The following MCTP2 variants were observed in gnomAD, a reference collection of about 807,000 sequenced individuals.
MCTP2 encodes the protein multiple C2 and transmembrane domain-containing protein 2.
In MCTP2, 132 loss-of-function variants were observed where a neutral mutation model predicts 111.6. The ratio of observed to expected loss-of-function variants is 1.18; its 90% CI spans 1.03 to 1.37. The LOEUF is 1.37. Ranked by LOEUF, MCTP2 falls within the 40% of genes most tolerant of loss-of-function variation. The pLI, the probability that MCTP2 is intolerant of heterozygous loss-of-function variation, is 0.00. For missense variants in MCTP2, 1,183 were observed against 1,067.9 expected, an observed-to-expected ratio of 1.11 and a Z score of -1.50; for synonymous variants, 395 against 387.7, an observed-to-expected ratio of 1.02 and a Z score of -0.22.
intron 17 of MCTP2, among the ~76,000 whole-genome samples, chr15:94,408,513 CT>C (rs1407675544): frequency 1.3e-5 from 2 of 152,050 alleles, no homozygotes; most frequent in African/African-American, 4.8e-5. Context: ...TTTTTCAGCA[CT>C]TTTTTAAAAT....
At chr15:94,391,581 G>T (rs189295102) in intron 14 of MCTP2, among the ~76,000 whole-genome samples, 1 of 152,252 alleles carries the variant, frequency 6.6e-6, no homozygotes, top group Admixed American at 6.5e-5. Flanking sequence ...CAAAACTTGA[G>T]TCCCAAGTGG....
chr15:94,256,557 G>A (rs931429048), intron 1 of MCTP2, among the ~76,000 whole-genome samples: 9 of 152,162 alleles, frequency 5.9e-5, no homozygotes, highest in African/African-American at 2.2e-4. Context: ...TTTGCATGAT[G>A]TTGTTTAAAT....
chr15:94,325,450 G>A (rs931240229), intron 4 of MCTP2, among the ~76,000 whole-genome samples: 1 of 152,062 alleles, frequency 6.6e-6, no homozygotes. Flanking sequence ...TTTTTATCGT[G>A]GGCTTATCTT....
At chr15:94,408,832 TAG>T (rs1226671301) in intron 17 of MCTP2, among the ~76,000 whole-genome samples, 2 of 152,226 alleles carry the variant, frequency 1.3e-5, no homozygotes, top group Non-Finnish European at 2.9e-5. Flanking sequence ...ATTGTAATCA[TAG>T]CACAGCCATA....
chr15:94,258,412 A>G (rs1474749496), intron 1 of MCTP2, among the ~76,000 whole-genome samples: 1 of 152,160 alleles, frequency 6.6e-6, no homozygotes, highest in South Asian at 2.1e-4. Context: ...CTGGGTCCAC[A>G]AAAAAGCATC....
At chr15:94,352,296 T>C (rs988871329) in intron 8 of MCTP2, among the ~76,000 whole-genome samples, 6 of 152,194 alleles carry the variant, frequency 3.9e-5, no homozygotes, top group African/African-American at 1.4e-4. Flanking sequence ...CAAAGCTCTT[T>C]TACAGAAGTT....
intron 17 of MCTP2, chr15:94,402,317 G>T (rs968865084): frequency 2.4e-5 from 24 of 984,906 alleles, no homozygotes; most frequent in Non-Finnish European, 2.9e-5. Flanking sequence ...GCCAGTGACC[G>T]CCCATAATTT....
intron 1 of MCTP2, among the ~76,000 whole-genome samples, chr15:94,233,223 T>C (rs1450705183): frequency 6.6e-6 from 1 of 152,148 alleles, no homozygotes; most frequent in Admixed American, 6.5e-5. Flanking sequence ...GGTCAAGCTG[T>C]GACCTATCTG....
At chr15:94,243,784 T>C (rs1447511732) in intron 1 of MCTP2, among the ~76,000 whole-genome samples, 5 of 148,136 alleles carry the variant, frequency 3.4e-5, no homozygotes, top group Non-Finnish European at 6.0e-5. Context: ...TGAACATATA[T>C]ATGTATATAC....
rs79388872 is a variant in MCTP2 at position 94,397,129 on chromosome 15, A to T, written c.1789-1832A>T. 4.7e-4 allele frequency among the ~76,000 whole-genome samples: 71 copies of T among 152,246 alleles called. No individual in the cohort carries two copies. The East Asian group carries it at 8.7e-3, about 19-fold the overall frequency. On this transcript the variant is annotated intron_variant, in intron 14 of 22. Transcript: ENST00000357742. Reference sequence around the variant, plus strand: ...AACTTTTTACAGTTTTTAAACTTATATTCTATTTTTTAAGATAGTTAAGTC... The same window carrying T: ...AACTTTTTACAGTTTTTAAACTTATTTTCTATTTTTTAAGATAGTTAAGTC...
At position 94,385,440 on chromosome 15, in the gene MCTP2, A is replaced by G. The variant is rs572628983; in HGVS notation, c.1703A>G (p.His568Arg). 5 of 1,612,450 alleles carry G rather than the reference A, an allele frequency of 3.1e-6. No homozygotes were observed. Among genetic ancestry groups the G allele is most frequent in the South Asian group, 1.1e-5 (1 of 91,046 alleles). The change falls in exon 14 of 23, where the codon CAT (histidine) becomes CGT (arginine). Residue 568 changes from histidine (H) to arginine (R), a missense_variant. His to Arg is a conservative substitution (Grantham distance 29). Transcript: ENST00000357742. ...TGTTACAGTCCCATTAAAGATATCC[A>G]TGATGTTTTGGAAGTGACAGTGTTT... ...KVFTFPIKDI[H>R]DVLEVTVFDE...
intron 21 of MCTP2, chr15:94,476,308 T>C (rs1397034059): frequency 6.3e-6 from 1 of 159,882 alleles, no homozygotes; most frequent in African/African-American, 2.4e-5. Flanking sequence ...CGGCTGTTAA[T>C]CAGCGTATTC....
chr15:94,300,526 A>C (rs1021984955), intron 2 of MCTP2, among the ~76,000 whole-genome samples: 1 of 142,624 alleles, frequency 7.0e-6, no homozygotes, highest in African/African-American at 2.6e-5. Flanking sequence ...AAAAAAAAAG[A>C]ACTTTTATTG....
chr15:94,277,166 A>G (rs2074259305), intron 1 of MCTP2, among the ~76,000 whole-genome samples: 1 of 152,194 alleles, frequency 6.6e-6, no homozygotes, highest in Non-Finnish European at 1.5e-5. Flanking sequence ...AGGAAATTAT[A>G]ATACAATACT....
intron 18 of MCTP2, among the ~76,000 whole-genome samples, chr15:94,441,808 A>G (rs75236157): frequency 0.011 from 1,636 of 152,282 alleles, 18 homozygotes; most frequent in Non-Finnish European, 0.019. Context: ...TTTTCCTCCC[A>G]TAGCCTGTTT....
At chr15:94,301,833 CTTTTT>C (rs59217006) in intron 2 of MCTP2, among the ~76,000 whole-genome samples, 213 of 129,192 alleles carry the variant, frequency 1.6e-3, no homozygotes, top group African/African-American at 5.7e-3. Context: ...ATCATTTCTG[CTTTTT>C]TTTTTTTTTT....
In MCTP2 at chr15:94,260,210, G is replaced by A. The variant is rs953322090; in HGVS notation, c.-66+28546G>A. 2.6e-5 allele frequency among the ~76,000 whole-genome samples: 4 copies of A among 152,094 alleles called. No homozygotes were observed. In the East Asian group the frequency reaches 5.8e-4, roughly 22 times the overall value. On this transcript the variant is annotated intron_variant, in intron 1 of 22. Coordinates refer to ENST00000357742, the MANE Select transcript of MCTP2 (RefSeq NM_001385001.1). ...CTCCTGTTCCTCAGGGGCAATAAGG[G>A]TATGCGAAAATTCCTCCCCGACTCA...
intron 20 of MCTP2, among the ~76,000 whole-genome samples, chr15:94,460,359 A>G (rs2085109143): frequency 6.6e-6 from 1 of 152,184 alleles, no homozygotes; most frequent in South Asian, 2.1e-4. Flanking sequence ...ACTATGTGGG[A>G]GATACAGGGA....
chr15:94,307,990 G>A (rs1008450026), intron 2 of MCTP2, among the ~76,000 whole-genome samples: 1 of 152,040 alleles, frequency 6.6e-6, no homozygotes, highest in African/African-American at 2.4e-5. Flanking sequence ...AAATAGAATA[G>A]CAACACCAAT....
Sources: allele counts gnomAD v4.1 joint callset (sites outside exome capture counted in the v4.1 genomes callset), GRCh38; gene constraint gnomAD v4.1.1; transcripts MANE v1.5; gene names NCBI Gene and HGNC (gene_info 2026-07-23, HGNC 2026-07-21).